Variants in LRRIQ4 observed in about 807,000 individuals in gnomAD.
LRRIQ4 encodes the protein leucine-rich repeat and IQ domain-containing protein 4.
LRRIQ4 carries 21 observed loss-of-function variants against 40.1 expected under a neutral mutation model. That is an observed-to-expected ratio of 0.52 (90% CI 0.37 to 0.75). The LOEUF (loss-of-function observed/expected upper bound fraction) is 0.75. Among genes scored for constraint, LRRIQ4 ranks in the 30% least tolerant of loss-of-function variants. LRRIQ4 has a pLI of 0.00. For missense variants in LRRIQ4, 655 were observed against 660.0 expected, an observed-to-expected ratio of 0.99 and a Z score of 0.08; for synonymous variants, 277 against 277.1, an observed-to-expected ratio of 1.00 and a Z score of 0.00.
At chr3:169,829,944 A>C (rs1454757125) in intron 3 of LRRIQ4, among the ~76,000 whole-genome samples, 4 of 152,212 alleles carry the variant, frequency 2.6e-5, no homozygotes, top group Non-Finnish European at 4.4e-5. Context: ...TGTTCATAGA[A>C]CACCTTTCAT....
In LRRIQ4 at chr3:169,814,479, GTGTT is replaced by G. The variant is rs140306978; in HGVS notation, c.-32+1451_-32+1454del. On this transcript the variant is annotated intron_variant, in intron 1 of 5. Coordinates refer to ENST00000340806, the MANE Select transcript of LRRIQ4 (RefSeq NM_001080460.3). ...TGTCTGTGCCTACTAGGGTCTTGGG[GTGTT>G]TGTTTGTTTGTTTGTTTTTTGAGAC... 2.6e-4 allele frequency among the ~76,000 whole-genome samples: 38 copies of G among 148,008 alleles called. No individual in the cohort carries two copies. In the East Asian group the frequency reaches 6.8e-3, roughly 26 times the overall value.
At chr3:169,837,439 A>G in intron 5 of LRRIQ4, 40 bp from the exon 6 acceptor site, 1 of 1,576,918 alleles carries the variant, frequency 6.3e-7, no homozygotes, top group Non-Finnish European at 8.6e-7. Flanking sequence ...GTTCATTGTG[A>G]TACCAGCCGA....
intron 1 of LRRIQ4, among the ~76,000 whole-genome samples, chr3:169,818,527 T>C (rs941989963): frequency 6.6e-6 from 1 of 152,208 alleles, no homozygotes; most frequent in African/African-American, 2.4e-5. Context: ...TTGAAGAATT[T>C]TCTTTCTGGT....
rs1779927921 is a variant in LRRIQ4 at position 169,822,538 on chromosome 3, A to G, written c.617A>G (p.Glu206Gly). ...DENKIGAIPE[E>G]IGHLTGLQKF... ...AACAAAATAGGTGCCATCCCAGAAG[A>G]GATCGGACACCTGACGGGGCTGCAG... The change falls in exon 2 of 6, where the codon GAG becomes GGG. Residue 206 changes from glutamate (E) to glycine (G), a missense_variant. Transcript: ENST00000340806. The G allele has an allele frequency of 2.5e-6, 4 of 1,613,788 alleles. No homozygotes were observed. In the South Asian group the frequency reaches 4.4e-5, roughly 18 times the overall value.
chr3:169,832,467 CAA>C (rs766710567), intron 4 of LRRIQ4, among the ~76,000 whole-genome samples: 35 of 104,152 alleles, frequency 3.4e-4, no homozygotes, highest in African/African-American at 3.4e-4. Flanking sequence ...GACTCTGTCT[CAA>C]AAAAAAAAAA....
rs748566030 is a variant in LRRIQ4 at position 169,828,840 on chromosome 3, G to A, written c.1102G>A (p.Val368Ile). The A allele has an allele frequency of 6.2e-7, 1 of 1,613,804 alleles. No homozygotes were observed. The highest frequency in any genetic ancestry group is 8.5e-7 in the Non-Finnish European group (1 of 1,179,802). ...GNEFLSFPEE[V>I]LSLASLEKLY... ...TGAGTTCCTTTCCTTTCCGGAGGAA[G>A]TCCTTTCTTTAGCGTCTTTAGAGAA... is the stretch of plus-strand genomic sequence containing the variant. The change falls in exon 3 of 6, where the codon GTC becomes ATC. Residue 368 changes from valine to isoleucine, a missense_variant. Physicochemically the swap from Val to Ile is conservative, Grantham distance 29. Transcript: ENST00000340806.
At chr3:169,832,583 G>A (rs1186631602) in intron 4 of LRRIQ4, among the ~76,000 whole-genome samples, 1 of 138,060 alleles carries the variant, frequency 7.2e-6, no homozygotes, top group African/African-American at 2.7e-5. Context: ...AGTGAGCTCA[G>A]ATCATGCCAC....
At chr3:169,819,362 T>G (rs1027619245) in intron 1 of LRRIQ4, among the ~76,000 whole-genome samples, 1 of 152,064 alleles carries the variant, frequency 6.6e-6, no homozygotes, top group Non-Finnish European at 1.5e-5. Flanking sequence ...ACACACACAA[T>G]CAGATATTCT....
At position 169,837,501 on chromosome 3, in the gene LRRIQ4, C is replaced by A. The variant is rs375837621; in HGVS notation, c.1553C>A (p.Thr518Lys). Residue 518 changes from threonine (T) to lysine (K), a missense_variant, in exon 6 of 6, where the codon ACA becomes AAA. Transcript: ENST00000340806. The part of the protein sequence containing the change: ...ATKIQAWWRG[T>K]MVQRGFGKFG... ...CAGATTCAGGCATGGTGGCGTGGAA[C>A]AATGGTACAGAGAGGATTTGGGAAA... 1.2e-6 allele frequency: 2 copies of A among 1,607,694 alleles called. No individual in the cohort carries two copies. The highest frequency in any genetic ancestry group is 2.7e-5 in the African/African-American group (2 of 74,492).
chr3:169,830,508 A>G lies in LRRIQ4; in HGVS notation c.1211A>G (p.Tyr404Cys), dbSNP rs779135533. Residue 404 changes from tyrosine to cysteine, a missense_variant, in exon 4 of 6, where the codon TAT becomes TGT. Coordinates refer to ENST00000340806, the MANE Select transcript of LRRIQ4 (RefSeq NM_001080460.3). ...IRKLQSLKEL[Y>C]IENNHLEYLP... Reference sequence around the variant, plus strand: ...TTATTTCAGAGTCTCAAAGAGCTATATATAGAGAACAATCATCTGGAGTAC... The same window carrying G: ...TTATTTCAGAGTCTCAAAGAGCTATGTATAGAGAACAATCATCTGGAGTAC... 1 of 1,602,418 alleles carries G rather than the reference A, an allele frequency of 6.2e-7. No individual in the cohort carries two copies. Among genetic ancestry groups the G allele is most frequent in the South Asian group, 1.1e-5 (1 of 89,332 alleles).
chr3:169,830,678 A>G (rs926845031), intron 4 of LRRIQ4, 48 bp downstream of exon 4: 1 of 1,610,538 alleles, frequency 6.2e-7, no homozygotes, highest in South Asian at 1.1e-5. Flanking sequence ...TGTGGCCAGC[A>G]TTTCCTATGG....
intron 3 of LRRIQ4, 83 bp from the exon 4 acceptor site, chr3:169,830,409 A>AAAAAAAAAAAAAAAAAAAAAC: frequency 2.0e-6 from 1 of 508,764 alleles, no homozygotes; most frequent in South Asian, 7.2e-5. Context: ...AAAAAAAAAA[A>AAAAAAAAAAAAAAAAAAAAAC]TGCATGAGCA....
chr3:169,828,761 A>G lies in LRRIQ4; in HGVS notation c.1023A>G (p.Leu341=). Residue 341 remains leucine, a splice_region_variant and synonymous_variant, in exon 3 of 6, where the codon TTA becomes TTG. Transcript: ENST00000340806. ...LGLDDNKIGQ[L]PSELGSLSKL... The stretch of plus-strand genomic sequence containing the variant: ...TTATCTTTTTGGAATACTTCTAGTT[A>G]CCTTCAGAATTGGGCTCACTTTCAA... The G allele has an allele frequency of 2.5e-6, 4 of 1,610,278 alleles. No homozygotes were observed. The highest frequency in any genetic ancestry group is 3.4e-6 in the Non-Finnish European group (4 of 1,178,952).
intron 5 of LRRIQ4, 145 bp downstream of exon 5, chr3:169,833,328 G>A: frequency 1.6e-6 from 1 of 608,832 alleles, no homozygotes; most frequent in Non-Finnish European, 2.7e-6. Context: ...TATGTCCCCA[G>A]GGCTAAGTAA....
chr3:169,821,255 G>A (rs534553916), intron 1 of LRRIQ4, among the ~76,000 whole-genome samples: 1 of 152,296 alleles, frequency 6.6e-6, no homozygotes, highest in Admixed American at 6.5e-5. Flanking sequence ...TTTTTCCCTA[G>A]TGTTTTCTCA....
rs34181076 is a variant in LRRIQ4, at chr3:169,829,490, G to GT, written c.1194+570dup. On this transcript the variant is annotated intron_variant, in intron 3 of 5. Transcript: ENST00000340806. Reference sequence around the variant, plus strand: ...TCATATATTCATCCTTTAAAGAACTGTTTTTTTTTTTTCATGTTCCTGTTG... The same window carrying GT: ...TCATATATTCATCCTTTAAAGAACTGTTTTTTTTTTTTTCATGTTCCTGTTG... Among the ~76,000 whole-genome samples the GT allele has an allele frequency of 3.1e-3, 444 of 144,742 alleles. 2 individuals carry two copies. Among genetic ancestry groups the GT allele is most frequent in the South Asian group, 0.013 (61 of 4,598 alleles). 95.0% of individuals were successfully genotyped at this position (144,742 alleles called of 152,430 possible). A position where few individuals can be genotyped will look rare whatever the true frequency, so the allele number is the denominator to read the frequency against.
intron 4 of LRRIQ4, 51 bp downstream of exon 4, chr3:169,830,681 TCCTATGG>T (rs1214646665): frequency 4.4e-6 from 7 of 1,608,490 alleles, no homozygotes; most frequent in Non-Finnish European, 6.0e-6. Context: ...GGCCAGCATT[TCCTATGG>T]CAAATGGCTT....
rs145827064 is a variant in LRRIQ4, at chr3:169,835,809, G to A, written c.1531-1670G>A. ...CAAGCAGATCTGGTGTTCCTCCAAG[G>A]ACCAAGCATGTTCCTGGCTCAGGGC... On this transcript the variant is annotated intron_variant, in intron 5 of 5. Transcript: ENST00000340806. 3.0e-3 allele frequency among the ~76,000 whole-genome samples: 451 copies of A among 152,184 alleles called. 2 individuals carry two copies. Among genetic ancestry groups the A allele is most frequent in the African/African-American group, 9.5e-3 (395 of 41,500 alleles).
intron 2 of LRRIQ4, among the ~76,000 whole-genome samples, chr3:169,823,145 A>G (rs1326642846): frequency 6.6e-6 from 1 of 152,122 alleles, no homozygotes; most frequent in East Asian, 1.9e-4. Flanking sequence ...ATGTTTATTT[A>G]GAGGGTGTAT....
Sources: allele counts gnomAD v4.1 joint callset (sites outside exome capture counted in the v4.1 genomes callset), GRCh38; gene constraint gnomAD v4.1.1; transcripts MANE v1.5; gene names NCBI Gene and HGNC (gene_info 2026-07-23, HGNC 2026-07-21).